The following IARS1 variants were observed in gnomAD, a reference collection of about 807,000 sequenced individuals.
IARS1 encodes the protein isoleucyl-tRNA synthetase 1.
A neutral mutation model predicts 168.2 loss-of-function variants in IARS1; 124 were observed. The ratio of observed to expected loss-of-function variants is 0.74; its 90% CI spans 0.64 to 0.86. The LOEUF is 0.86. IARS1 is among the 40% of genes least tolerant of loss of function. The probability of loss-of-function intolerance (pLI) is 0.00; values close to 1 mark genes in which losing one functional copy is unlikely to be tolerated. For synonymous variants in IARS1, 532 were observed against 529.4 expected, an observed-to-expected ratio of 1.00 and a Z score of -0.07; for missense variants, 1,452 against 1,515.8, an observed-to-expected ratio of 0.96 and a Z score of 0.70.
chr9:92,230,920 C>A (rs949184756), intron 30 of IARS1, among the ~76,000 whole-genome samples: 3 of 152,198 alleles, frequency 2.0e-5, no homozygotes, highest in African/African-American at 7.2e-5. Context: ...CATATCTCTA[C>A]CCCATTTTCT....
At chr9:92,217,702 C>T (rs1326469719) in intron 33 of IARS1, among the ~76,000 whole-genome samples, 2 of 152,158 alleles carry the variant, frequency 1.3e-5, no homozygotes, top group African/African-American at 4.8e-5. Flanking sequence ...TCGACACATA[C>T]ATTCTCCCAA....
In IARS1 at chr9:92,242,221, A is replaced by G; in HGVS notation, c.3110T>C (p.Ile1037Thr). Residue 1037 changes from isoleucine (I) to threonine (T), a missense_variant, in exon 29 of 34, where the codon ATA becomes ACA. Transcript: ENST00000443024. The part of the protein sequence containing the change: ...ESHTEFIFTT[I>T]KAPLKPYPVS... Reference sequence around the variant, plus strand: ...TGGATATGGTTTCAAGGGAGCCTTTATGGTGGTAAATATGAACTCTGTGTG... The same window carrying G: ...TGGATATGGTTTCAAGGGAGCCTTTGTGGTGGTAAATATGAACTCTGTGTG... 1 of 1,614,090 alleles carries G rather than the reference A, an allele frequency of 6.2e-7. No homozygotes were observed. Among genetic ancestry groups the G allele is most frequent in the East Asian group, 2.2e-5 (1 of 44,882 alleles).
intron 21 of IARS1, 62 bp from the exon 22 acceptor site, chr9:92,251,947 AT>A (rs1485240102): frequency 5.0e-6 from 6 of 1,211,394 alleles, no homozygotes; most frequent in East Asian, 2.5e-5. Context: ...CATTAAAAAA[AT>A]AAGTTTATTA....
intron 1 of IARS1, among the ~76,000 whole-genome samples, chr9:92,291,083 T>C (rs1375934603): frequency 6.6e-6 from 1 of 152,124 alleles, no homozygotes; most frequent in Non-Finnish European, 1.5e-5. Flanking sequence ...GTTTTGCTAA[T>C]AACCTCATGC....
intron 33 of IARS1, among the ~76,000 whole-genome samples, chr9:92,214,015 C>T (rs925780251): frequency 2.0e-5 from 3 of 151,890 alleles, no homozygotes; most frequent in Non-Finnish European, 4.4e-5. Context: ...ATTGGCCATG[C>T]TGGTCTTGAA....
Position 92,283,011 on chromosome 9 carries a change from C to T in IARS1, c.598-2118G>A, listed in dbSNP as rs191113408. Reference sequence around the variant, plus strand: ...TTGGAACTAAAGGTTCACGCCACCACGCCCAGCTAATTTTTGTAATTTTAG... The same window carrying T: ...TTGGAACTAAAGGTTCACGCCACCATGCCCAGCTAATTTTTGTAATTTTAG... On this transcript the variant is annotated intron_variant, in intron 6 of 33. Transcript: ENST00000443024. 5.1e-3 allele frequency among the ~76,000 whole-genome samples: 776 copies of T among 151,928 alleles called. 3 individuals carry two copies. Among genetic ancestry groups the T allele is most frequent in the East Asian group, 0.014 (70 of 5,152 alleles).
At chr9:92,227,443 C>A (rs1322493735) in intron 31 of IARS1, among the ~76,000 whole-genome samples, 1 of 145,728 alleles carries the variant, frequency 6.9e-6, no homozygotes, top group Non-Finnish European at 1.5e-5. Flanking sequence ...GGCTGACCCC[C>A]CCACCTCCCT....
intron 6 of IARS1, among the ~76,000 whole-genome samples, chr9:92,281,622 C>T (rs1834585980): frequency 6.6e-6 from 1 of 151,932 alleles, no homozygotes; most frequent in Admixed American, 6.6e-5. Context: ...TTGTAACAGA[C>T]CCATATAAAT....
intron 19 of IARS1, among the ~76,000 whole-genome samples, chr9:92,257,817 T>C (rs1830937361): frequency 6.6e-6 from 1 of 152,196 alleles, no homozygotes; most frequent in South Asian, 2.1e-4. Flanking sequence ...CAATTTTACT[T>C]GTAAGGTGCT....
At chr9:92,251,123 G>A (rs1445924095) in intron 22 of IARS1, 3 of 485,914 alleles carry the variant, frequency 6.2e-6, no homozygotes, top group Non-Finnish European at 1.2e-5. Context: ...ATGCACAGAA[G>A]ACTGACTGTC....
chr9:92,262,129 C>T lies in IARS1; in HGVS notation c.1787+840G>A, dbSNP rs78476014. Among the ~76,000 whole-genome samples, 982 of 151,816 alleles carry T rather than the reference C, an allele frequency of 6.5e-3. 14 individuals are homozygous for T. The highest frequency in any genetic ancestry group is 0.019 in the African/African-American group (800 of 41,384). On this transcript the variant is annotated intron_variant, in intron 17 of 33. Coordinates refer to ENST00000443024, the MANE Select transcript of IARS1 (RefSeq NM_002161.6). The stretch of plus-strand genomic sequence containing the variant: ...GCAGACTGCCTGGGTTCAAAATTTG[C>T]ATTTACCACTCATTTGCTGTGTGTC...
intron 1 of IARS1, among the ~76,000 whole-genome samples, chr9:92,290,688 GTACATGGC>G (rs1836182827): frequency 6.6e-6 from 1 of 152,026 alleles, no homozygotes; most frequent in African/African-American, 2.4e-5. Flanking sequence ...TGAGGGAGGG[GTACATGGC>G]TATTATTTAA....
At chr9:92,271,195 T>G (rs1832976547) in intron 11 of IARS1, 119 bp from the exon 12 acceptor site, 1 of 619,666 alleles carries the variant, frequency 1.6e-6, no homozygotes, top group South Asian at 2.9e-5. Context: ...TATTATTTAT[T>G]ATTTTTAGTC....
In IARS1 at chr9:92,223,592, G is replaced by A. The variant is rs139510599; in HGVS notation, c.3410-103C>T. On this transcript the variant is annotated intron_variant, in intron 31 of 33. Transcript: ENST00000443024. The stretch of plus-strand genomic sequence containing the variant: ...CTATCATGTATCTTTTTACGATAAT[G>A]CTTTCCACTTAATTTCTGTTTATCA... The A allele has an allele frequency of 3.5e-3, 3,075 of 884,208 alleles. 8 individuals are homozygous for A. The highest frequency in any genetic ancestry group is 4.5e-3 in the Non-Finnish European group (2,670 of 592,306). 54.8% of individuals were successfully genotyped at this position (884,208 alleles called of 1,614,324 possible).
At chr9:92,245,491 G>T (rs1369825879) in intron 26 of IARS1, among the ~76,000 whole-genome samples, 2 of 152,192 alleles carry the variant, frequency 1.3e-5, no homozygotes, top group Non-Finnish European at 2.9e-5. Flanking sequence ...GCTGAGCAAG[G>T]TGTGGTGAGG....
chr9:92,243,428 C>T (rs941981775), intron 27 of IARS1, 117 bp from the exon 28 acceptor site: 2 of 629,824 alleles, frequency 3.2e-6, no homozygotes, highest in South Asian at 1.8e-5. Flanking sequence ...TTTTTTCACA[C>T]AAATGAGCAA....
intron 31 of IARS1, among the ~76,000 whole-genome samples, chr9:92,224,768 G>A (rs1376025986): frequency 6.6e-6 from 1 of 152,122 alleles, no homozygotes; most frequent in Non-Finnish European, 1.5e-5. Context: ...AGAAGTTTGA[G>A]GTTACACTGA....
At chr9:92,246,628 C>T (rs1159654584) in intron 26 of IARS1, among the ~76,000 whole-genome samples, 1 of 152,140 alleles carries the variant, frequency 6.6e-6, no homozygotes, top group Non-Finnish European at 1.5e-5. Flanking sequence ...AAAGTAAGGA[C>T]AAAATCACCC....
At chr9:92,250,592 G>A in intron 23 of IARS1, 121 bp downstream of exon 23, 1 of 1,141,492 alleles carries the variant, frequency 8.8e-7, no homozygotes, top group Non-Finnish European at 1.2e-6. Flanking sequence ...GTTCATGTCA[G>A]CTGGGGCGGG....
Sources: allele counts gnomAD v4.1 joint callset (sites outside exome capture counted in the v4.1 genomes callset), GRCh38; gene constraint gnomAD v4.1.1; transcripts MANE v1.5; gene names NCBI Gene and HGNC (gene_info 2026-07-23, HGNC 2026-07-21).